VPS41: variants seen among roughly 807,000 people sequenced by gnomAD.
VPS41 encodes vacuolar protein sorting-associated protein 41 homolog.
VPS41 carries 85 observed loss-of-function variants against 130.9 expected under a neutral mutation model. The ratio of observed to expected loss-of-function variants is 0.65; its 90% CI spans 0.55 to 0.78. The LOEUF (loss-of-function observed/expected upper bound fraction) is 0.78, where lower values mean the gene tolerates loss of function less well. Ranked by LOEUF, VPS41 falls within the 30% of genes least tolerant of loss-of-function variation. The pLI is 0.00. For missense variants in VPS41, 874 were observed against 1,018.7 expected (o/e 0.86, Z 1.93); for synonymous variants, 335 against 332.9 (o/e 1.01, Z -0.07).
intron 10 of VPS41, among the ~76,000 whole-genome samples, chr7:38,787,218 T>C (rs944243662): frequency 6.6e-6 from 1 of 152,106 alleles, no homozygotes; most frequent in African/African-American, 2.4e-5. Context: ...GTAAGTCAAC[T>C]ACCCCTGGCA....
intron 7 of VPS41, among the ~76,000 whole-genome samples, chr7:38,810,157 C>A (rs1429079855): frequency 6.6e-6 from 1 of 150,948 alleles, no homozygotes; most frequent in East Asian, 1.9e-4. Flanking sequence ...TTTTTATGCT[C>A]ATGTGTCAAG....
In VPS41 at chr7:38,772,540, A is replaced by T; in HGVS notation, c.1110T>A (p.Leu370=). The change falls in exon 13 of 29, where the codon CTT becomes CTA. Residue 370 remains leucine (L), a synonymous_variant. Coordinates refer to ENST00000310301, the MANE Select transcript of VPS41 (RefSeq NM_014396.4). ...AGGGTACTTCATATTTCTTCTTTTC[A>T]AGGAGCCAGTCAATGTGATCATCTT... ...RDQDDHIDWL[L]EKKKYEEALM... is the part of the protein sequence containing the mutation. 1 of 1,611,854 alleles carries T rather than the reference A, an allele frequency of 6.2e-7. No individual in the cohort carries two copies. The highest frequency in any genetic ancestry group is 8.5e-7 in the Non-Finnish European group (1 of 1,178,218).
At chr7:38,761,769 TTA>T (rs746949397) in intron 17 of VPS41, among the ~76,000 whole-genome samples, 6 of 152,014 alleles carry the variant, frequency 3.9e-5, no homozygotes, top group Non-Finnish European at 5.9e-5. Flanking sequence ...TTTTAGTTTT[TTA>T]TAGACAGGTC....
Position 38,752,228 on chromosome 7 carries a change from C to G in VPS41, c.1874G>C (p.Arg625Pro). ...TCGGAGAAAGGGAAGTAAGTTTGGT[C>G]GATCATATTCAGCATAAAGACTGAT... ...KQISLYAEYD[R>P]PNLLPFLRDS... The change falls in exon 22 of 29, where the codon CGA (arginine) becomes CCA (proline). Residue 625 changes from arginine to proline, a missense_variant. Physicochemically the swap from Arg to Pro is moderately radical, Grantham distance 103. Transcript: ENST00000310301. 6.2e-7 allele frequency: 1 copy of G among 1,613,928 alleles called. No homozygotes were observed. Among genetic ancestry groups the G allele is most frequent in the East Asian group, 2.2e-5 (1 of 44,886 alleles).
chr7:38,835,008 C>T (rs1294592677), intron 4 of VPS41, among the ~76,000 whole-genome samples: 1 of 151,904 alleles, frequency 6.6e-6, no homozygotes, highest in Non-Finnish European at 1.5e-5. Context: ...ACTATACGGT[C>T]ATTATACACC....
At chr7:38,893,029 C>T (rs902567252) in intron 2 of VPS41, among the ~76,000 whole-genome samples, 2 of 152,144 alleles carry the variant, frequency 1.3e-5, no homozygotes, top group African/African-American at 4.8e-5. Flanking sequence ...GGTCTTCCTG[C>T]TATCATCTCT....
At chr7:38,837,693 A>G (rs1204785243) in intron 4 of VPS41, among the ~76,000 whole-genome samples, 1 of 152,196 alleles carries the variant, frequency 6.6e-6, no homozygotes, top group Non-Finnish European at 1.5e-5. Context: ...GTGCTCTCAA[A>G]TCTTGAAGTT....
chr7:38,798,342 G>T lies in VPS41; in HGVS notation c.451-1478C>A, dbSNP rs112006571. 9.3e-3 allele frequency among the ~76,000 whole-genome samples: 1,410 copies of T among 152,152 alleles called. 12 individuals are homozygous for T. The highest frequency in any genetic ancestry group is 0.015 in the Non-Finnish European group (1,032 of 68,014). ...GAGTCTCACTCTGTTACCCAGGCTG[G>T]AGTGCAGTGGCACCATCTCAGCTCA... On this transcript the variant is annotated intron_variant, in intron 7 of 28. Transcript: ENST00000310301.
intron 4 of VPS41, among the ~76,000 whole-genome samples, chr7:38,835,836 C>CAGATA (rs1785479499): frequency 2.0e-5 from 3 of 150,992 alleles, no homozygotes; most frequent in Non-Finnish European, 4.4e-5. Context: ...TACTAGATGC[C>CAGATA]CTATAATTTG....
chr7:38,798,785 A>G (rs1405035088), intron 7 of VPS41, among the ~76,000 whole-genome samples: 2 of 152,130 alleles, frequency 1.3e-5, no homozygotes, highest in African/African-American at 4.8e-5. Flanking sequence ...CCTTTCCCTC[A>G]CCAATTCCCA....
intron 4 of VPS41, among the ~76,000 whole-genome samples, chr7:38,838,156 A>C (rs1458851144): frequency 5.9e-5 from 9 of 152,166 alleles, no homozygotes; most frequent in Non-Finnish European, 1.2e-4. Context: ...ATCCTATAAA[A>C]GAAACAAATG....
At chr7:38,749,742 A>T (rs1261289296) in intron 22 of VPS41, among the ~76,000 whole-genome samples, 1 of 152,192 alleles carries the variant, frequency 6.6e-6, no homozygotes, top group Non-Finnish European at 1.5e-5. Flanking sequence ...GGATGCGTTT[A>T]ATTGGAGAAA....
intron 7 of VPS41, among the ~76,000 whole-genome samples, chr7:38,800,398 AT>A (rs908589906): frequency 3.9e-5 from 6 of 152,048 alleles, no homozygotes; most frequent in Non-Finnish European, 7.4e-5. Context: ...ATTTTATATT[AT>A]TTTTATTTTA....
chr7:38,810,101 C>CT (rs201960284), intron 7 of VPS41, among the ~76,000 whole-genome samples: 31,866 of 144,694 alleles, frequency 0.22, 4,246 homozygotes, highest in Non-Finnish European at 0.32. Context: ...TGTGCTTTCT[C>CT]TTTTTTTTTT....
intron 4 of VPS41, among the ~76,000 whole-genome samples, chr7:38,831,622 A>G (rs904514343): frequency 6.6e-6 from 1 of 152,260 alleles, no homozygotes; most frequent in African/African-American, 2.4e-5. Context: ...GGACTCTGGT[A>G]TTGAAAAGCT....
intron 4 of VPS41, among the ~76,000 whole-genome samples, chr7:38,856,736 A>G (rs1433182477): frequency 6.6e-6 from 1 of 152,082 alleles, no homozygotes; most frequent in African/African-American, 2.4e-5. Flanking sequence ...AAATAGTAGT[A>G]ATATAGGAGT....
chr7:38,787,505 A>G (rs1477010361), intron 10 of VPS41, among the ~76,000 whole-genome samples: 1 of 152,238 alleles, frequency 6.6e-6, no homozygotes, highest in Non-Finnish European at 1.5e-5. Flanking sequence ...GTGATTGGCC[A>G]AGAAGCTTAA....
In VPS41 at chr7:38,780,685, A is replaced by G. The variant is rs998307887; in HGVS notation, c.785-3909T>C. Among the ~76,000 whole-genome samples, 16 of 152,296 alleles carry G rather than the reference A, an allele frequency of 1.1e-4. No homozygotes were observed. In the South Asian group the frequency reaches 2.3e-3, roughly 22 times the overall value. On this transcript the variant is annotated intron_variant, in intron 10 of 28. Coordinates refer to ENST00000310301, the MANE Select transcript of VPS41 (RefSeq NM_014396.4). ...GGCCAAAACACAAATGACATATGTA[A>G]TTTAAAATTTCCCAGTAGCCACGTG...
chr7:38,804,641 C>T (rs1265013682), intron 7 of VPS41, among the ~76,000 whole-genome samples: 1 of 152,198 alleles, frequency 6.6e-6, no homozygotes, highest in Non-Finnish European at 1.5e-5. Flanking sequence ...CATTTAGGAG[C>T]AGCTTTCTTT....
Sources: allele counts gnomAD v4.1 joint callset (sites outside exome capture counted in the v4.1 genomes callset), GRCh38; gene constraint gnomAD v4.1.1; transcripts MANE v1.5; gene names NCBI Gene and HGNC (gene_info 2026-07-23, HGNC 2026-07-21).